The following CTNNA3 variants were observed in gnomAD, a reference collection of about 807,000 sequenced individuals.
The protein encoded by CTNNA3 is catenin alpha-3.
CTNNA3 carries 76 observed loss-of-function variants against 95.7 expected under a neutral mutation model. The observed-to-expected ratio is 0.79, with a 90% CI of 0.66 to 0.96. The LOEUF is 0.96. Among genes scored for constraint, CTNNA3 ranks in the 40% least tolerant of loss-of-function variants. CTNNA3 has a pLI of 0.00. For missense variants in CTNNA3, 1,191 were observed against 1,089.8 expected (o/e 1.09, Z -1.31); for synonymous variants, 431 against 374.4 (o/e 1.15, Z -1.74).
chr10:66,403,460 G>A (rs1413114180), intron 11 of CTNNA3, among the ~76,000 whole-genome samples: 1 of 152,122 alleles, frequency 6.6e-6, no homozygotes, highest in Non-Finnish European at 1.5e-5. Context: ...TTCCTACATG[G>A]AGGCAGGAGC....
intron 5 of CTNNA3, among the ~76,000 whole-genome samples, chr10:67,243,183 T>G (rs971730107): frequency 6.6e-6 from 1 of 152,112 alleles, no homozygotes; most frequent in Non-Finnish European, 1.5e-5. Flanking sequence ...CCACTCCCCA[T>G]GTTTCTCTCC....
At chr10:66,708,359 T>A (rs1848185479) in intron 9 of CTNNA3, among the ~76,000 whole-genome samples, 1 of 152,036 alleles carries the variant, frequency 6.6e-6, no homozygotes, top group Non-Finnish European at 1.5e-5. Context: ...TGTCTTTGCT[T>A]GCGGGTGGCG....
intron 3 of CTNNA3, among the ~76,000 whole-genome samples, chr10:67,589,480 T>C (rs1414010431): frequency 6.6e-6 from 1 of 152,150 alleles, no homozygotes; most frequent in Admixed American, 6.5e-5. Flanking sequence ...TAGTTTCTTT[T>C]GTGATCCTCT....
chr10:67,346,763 G>A (rs74895135), intron 5 of CTNNA3: 26 of 481,670 alleles, frequency 5.4e-5, no homozygotes, highest in Non-Finnish European at 1.0e-4. Flanking sequence ...CCTTCCTGAA[G>A]AATTTCTGTG....
intron 7 of CTNNA3, among the ~76,000 whole-genome samples, chr10:67,100,349 G>A (rs1401264837): frequency 6.6e-6 from 1 of 151,264 alleles, no homozygotes; most frequent in African/African-American, 2.4e-5. Context: ...CAACCAAAAG[G>A]GTCTTTAGCA....
chr10:66,119,066 A>G (rs1409713332), intron 13 of CTNNA3, among the ~76,000 whole-genome samples: 3 of 152,284 alleles, frequency 2.0e-5, no homozygotes, highest in African/African-American at 7.2e-5. Context: ...AAATTTAAAG[A>G]TATAAAACAT....
At chr10:66,625,452 G>A (rs752375051) in intron 9 of CTNNA3, among the ~76,000 whole-genome samples, 16 of 152,016 alleles carry the variant, frequency 1.1e-4, no homozygotes, top group Non-Finnish European at 1.9e-4. Context: ...GCAGTGGCTC[G>A]ATCTAGGCTC....
intron 7 of CTNNA3, among the ~76,000 whole-genome samples, chr10:66,782,454 CATTCTCTGT>C (rs2132849616): frequency 6.6e-6 from 1 of 152,156 alleles, no homozygotes; most frequent in South Asian, 2.1e-4. Context: ...TCAATTGTCT[CATTCTCTGT>C]ATCACCTTTT....
intron 14 of CTNNA3, among the ~76,000 whole-genome samples, chr10:66,077,678 T>C (rs771138721): frequency 1.3e-5 from 2 of 150,626 alleles, no homozygotes; most frequent in Non-Finnish European, 3.0e-5. Flanking sequence ...AGAAAAGTTG[T>C]TTCAAAGGTG....
chr10:66,797,834 TTAACA>T (rs1223482539), intron 7 of CTNNA3, among the ~76,000 whole-genome samples: 1 of 151,864 alleles, frequency 6.6e-6, no homozygotes, highest in Non-Finnish European at 1.5e-5. Flanking sequence ...AAGCTCAAAA[TTAACA>T]TAACAATTAT....
chr10:67,128,781 T>A (rs896868066), intron 7 of CTNNA3, among the ~76,000 whole-genome samples: 7 of 152,078 alleles, frequency 4.6e-5, no homozygotes, highest in Admixed American at 3.3e-4. Context: ...TATAAATACC[T>A]ATTTGAGGGA....
chr10:67,045,732 A>AGGCC (rs1013091520), intron 7 of CTNNA3, among the ~76,000 whole-genome samples: 2 of 152,122 alleles, frequency 1.3e-5, no homozygotes, highest in Admixed American at 6.5e-5. Context: ...AGACCAGCCA[A>AGGCC]GGCCCCCCTC....
intron 5 of CTNNA3, among the ~76,000 whole-genome samples, chr10:67,280,938 ATCTG>A (rs539416493): frequency 2.4e-4 from 36 of 152,064 alleles, no homozygotes; most frequent in Admixed American, 3.9e-4. Context: ...TCTCCTGTTA[ATCTG>A]TCTGTCTATT....
chr10:66,170,152 A>C (rs961224514), intron 13 of CTNNA3, among the ~76,000 whole-genome samples: 3 of 150,958 alleles, frequency 2.0e-5, no homozygotes, highest in African/African-American at 7.3e-5. Context: ...TTATAGTTTC[A>C]GTCTTAGATT....
intron 13 of CTNNA3, among the ~76,000 whole-genome samples, chr10:66,172,014 G>A (rs2085457250): frequency 6.6e-6 from 1 of 152,112 alleles, no homozygotes; most frequent in African/African-American, 2.4e-5. Flanking sequence ...GTGGCAAAGA[G>A]CAAGTATGCT....
intron 14 of CTNNA3, 57 bp from the exon 15 acceptor site, chr10:66,069,546 G>T: frequency 7.6e-7 from 1 of 1,319,670 alleles, no homozygotes; most frequent in South Asian, 1.4e-5. Flanking sequence ...AGCATTTTAG[G>T]AATAAGTAGA....
At chr10:66,915,166 A>C (rs1658638896) in intron 7 of CTNNA3, among the ~76,000 whole-genome samples, 2 of 151,490 alleles carry the variant, frequency 1.3e-5, no homozygotes, top group South Asian at 4.2e-4. Flanking sequence ...ATATTTAAAA[A>C]GCTCACTGAC....
At chr10:66,026,981 C>T (rs1408707777) in intron 15 of CTNNA3, among the ~76,000 whole-genome samples, 2 of 151,892 alleles carry the variant, frequency 1.3e-5, no homozygotes, top group Middle Eastern at 3.2e-3. Flanking sequence ...TTATTATAAA[C>T]ACTGAAATAA....
intron 15 of CTNNA3, among the ~76,000 whole-genome samples, chr10:66,024,154 A>G (rs951280670): frequency 1.0e-4 from 14 of 134,238 alleles, no homozygotes; most frequent in Non-Finnish European, 1.5e-5. Flanking sequence ...CAGCGGCACA[A>G]TCTGGGCTCA....
Sources: allele counts gnomAD v4.1 joint callset (sites outside exome capture counted in the v4.1 genomes callset), GRCh38; gene constraint gnomAD v4.1.1; transcripts MANE v1.5; gene names NCBI Gene and HGNC (gene_info 2026-07-23, HGNC 2026-07-21).